Variants in CRPPA observed in about 807,000 individuals in gnomAD.
CRPPA encodes CDP-L-ribitol pyrophosphorylase A, also known as D-ribitol-5-phosphate cytidylyltransferase.
CRPPA carries 43 observed loss-of-function variants against 52.0 expected under a neutral mutation model. The observed-to-expected ratio is 0.83, with a 90% CI of 0.65 to 1.07. The LOEUF (loss-of-function observed/expected upper bound fraction) is 1.07. Ranked by LOEUF, CRPPA falls within the 50% of genes least tolerant of loss-of-function variation. The probability of loss-of-function intolerance (pLI) is 0.00; values close to 1 mark genes in which losing one functional copy is unlikely to be tolerated. For synonymous variants in CRPPA, 250 were observed against 203.5 expected, an observed-to-expected ratio of 1.23 and a Z score of -1.94; for missense variants, 629 against 551.7, an observed-to-expected ratio of 1.14 and a Z score of -1.40.
chr7:16,420,652 C>T (rs1014074298), intron 1 of CRPPA, among the ~76,000 whole-genome samples: 2 of 152,216 alleles, frequency 1.3e-5, no homozygotes, highest in African/African-American at 4.8e-5. Context: ...CGAACACACG[C>T]CCTGGAAACT....
chr7:16,222,672 T>C (rs1251748981), intron 8 of CRPPA, among the ~76,000 whole-genome samples: 1 of 152,140 alleles, frequency 6.6e-6, no homozygotes, highest in Non-Finnish European at 1.5e-5. Context: ...AAAGAATCTC[T>C]TTCAATGTGA....
At chr7:16,349,902 A>T (rs1786103156) in intron 3 of CRPPA, among the ~76,000 whole-genome samples, 1 of 152,094 alleles carries the variant, frequency 6.6e-6, no homozygotes, top group Non-Finnish European at 1.5e-5. Context: ...AGATCTAGGA[A>T]ATCCAAGAGA....
chr7:16,300,757 A>C (rs1784775988), intron 5 of CRPPA, among the ~76,000 whole-genome samples: 1 of 152,210 alleles, frequency 6.6e-6, no homozygotes, highest in South Asian at 2.1e-4. Flanking sequence ...GACTTAAATA[A>C]CAGGCTACAA....
At position 16,131,683 on chromosome 7, in the gene CRPPA, A is replaced by G. The variant is rs565621057; in HGVS notation, c.1252-39884T>C. On this transcript the variant is annotated intron_variant, in intron 9 of 9. Coordinates refer to ENST00000407010, the MANE Select transcript of CRPPA (RefSeq NM_001101426.4). ...CTGCAGCCTCAACCTCCTGGGTTCAAGCAATCCTCCTGCCTCAGCCCCCAG... is the reference window on the plus strand; with the variant it reads ...CTGCAGCCTCAACCTCCTGGGTTCAGGCAATCCTCCTGCCTCAGCCCCCAG... Among the ~76,000 whole-genome samples the G allele has an allele frequency of 3.9e-5, 6 of 152,318 alleles. No homozygotes were observed. The South Asian group carries it at 8.3e-4, about 21-fold the overall frequency.
intron 3 of CRPPA, among the ~76,000 whole-genome samples, chr7:16,347,445 T>C (rs1786042455): frequency 6.6e-6 from 1 of 152,188 alleles, no homozygotes. Context: ...AGATCCACTT[T>C]ACCCAGGTGC....
At chr7:16,297,229 A>G (rs961566401) in intron 5 of CRPPA, among the ~76,000 whole-genome samples, 2 of 152,212 alleles carry the variant, frequency 1.3e-5, no homozygotes, top group Non-Finnish European at 2.9e-5. Context: ...AGCAATGTAT[A>G]TATCTTACAG....
intron 1 of CRPPA, among the ~76,000 whole-genome samples, chr7:16,418,387 A>T (rs1347219243): frequency 1.3e-5 from 2 of 152,360 alleles, no homozygotes; most frequent in South Asian, 4.1e-4. Flanking sequence ...TTCCATAAAC[A>T]AGGCCTTTCC....
At chr7:16,182,514 A>C (rs1483877264) in intron 9 of CRPPA, among the ~76,000 whole-genome samples, 1 of 152,186 alleles carries the variant, frequency 6.6e-6, no homozygotes, top group Non-Finnish European at 1.5e-5. Flanking sequence ...AAATAAGTGA[A>C]GTATTTCATA....
chr7:16,201,459 G>A (rs951479411), intron 9 of CRPPA, among the ~76,000 whole-genome samples: 13 of 152,076 alleles, frequency 8.5e-5, no homozygotes, highest in African/African-American at 3.1e-4. Flanking sequence ...AAACGAAATG[G>A]CACACATTCC....
intron 9 of CRPPA, 54 bp from the exon 10 acceptor site, chr7:16,091,853 TAAG>T: frequency 1.8e-6 from 2 of 1,087,810 alleles, no homozygotes; most frequent in Non-Finnish European, 1.3e-6. Flanking sequence ...TGCCATGTGT[TAAG>T]TTTGATAAAA....
intron 3 of CRPPA, among the ~76,000 whole-genome samples, chr7:16,362,529 T>C (rs1786481851): frequency 6.6e-6 from 1 of 152,202 alleles, no homozygotes; most frequent in African/African-American, 2.4e-5. Flanking sequence ...CATGTGAATT[T>C]TGGAGGGACA....
chr7:16,136,919 C>T (rs1474608804), intron 9 of CRPPA, among the ~76,000 whole-genome samples: 4 of 152,090 alleles, frequency 2.6e-5, no homozygotes, highest in African/African-American at 9.7e-5. Context: ...ATAATGTGGG[C>T]CAAGTTTAAA....
Position 16,404,802 on chromosome 7 carries a change from T to C in CRPPA, c.534+1259A>G, listed in dbSNP as rs564807417. Among the ~76,000 whole-genome samples the C allele has an allele frequency of 5.3e-5, 8 of 152,248 alleles. No homozygotes were observed. In the South Asian group the frequency reaches 1.7e-3, roughly 32 times the overall value. On this transcript the variant is annotated intron_variant, in intron 2 of 9. Coordinates refer to ENST00000407010, the MANE Select transcript of CRPPA (RefSeq NM_001101426.4). ...ACTGATTACCTTGCCTCTACCACAA[T>C]TGAGCTGTCTGGAGAAGAGGAAGGA...
At chr7:16,240,572 T>TACACACACACACAC (rs71549978) in intron 8 of CRPPA, among the ~76,000 whole-genome samples, 206 of 148,112 alleles carry the variant, frequency 1.4e-3, no homozygotes, top group African/African-American at 4.4e-3. Context: ...TTATTACACA[T>TACACACACACACAC]ACACACACAC....
chr7:16,368,480 T>C (rs61243318), intron 3 of CRPPA, among the ~76,000 whole-genome samples: 1,557 of 152,304 alleles, frequency 0.01, 28 homozygotes, highest in African/African-American at 0.035. Context: ...TAAAATACAA[T>C]AGATTTTGAC....
At chr7:16,193,914 A>G (rs1399278780) in intron 9 of CRPPA, among the ~76,000 whole-genome samples, 1 of 152,044 alleles carries the variant, frequency 6.6e-6, no homozygotes, top group African/African-American at 2.4e-5. Flanking sequence ...GACTTTCCAG[A>G]CCATTTCATC....
intron 9 of CRPPA, among the ~76,000 whole-genome samples, chr7:16,207,061 C>G (rs1168767932): frequency 6.6e-6 from 1 of 152,042 alleles, no homozygotes; most frequent in Non-Finnish European, 1.5e-5. Context: ...TTTTATAATC[C>G]CATTGTGATC....
intron 9 of CRPPA, among the ~76,000 whole-genome samples, chr7:16,092,942 A>G (rs2128361408): frequency 6.6e-6 from 1 of 152,244 alleles, no homozygotes; most frequent in South Asian, 2.1e-4. Flanking sequence ...CTTTGCCAGA[A>G]AAGCTTTCCC....
chr7:16,107,054 A>T (rs1290351921), intron 9 of CRPPA, among the ~76,000 whole-genome samples: 1 of 152,164 alleles, frequency 6.6e-6, no homozygotes, highest in Non-Finnish European at 1.5e-5. Context: ...GGAAGACAGA[A>T]CATTTAAAAT....
Sources: allele counts gnomAD v4.1 joint callset (sites outside exome capture counted in the v4.1 genomes callset), GRCh38; gene constraint gnomAD v4.1.1; transcripts MANE v1.5; gene names NCBI Gene and HGNC (gene_info 2026-07-23, HGNC 2026-07-21).